SLC25A31: variants seen among roughly 807,000 people sequenced by gnomAD.
The protein encoded by SLC25A31 is solute carrier family 25 member 31.
In SLC25A31, 40 loss-of-function variants were observed where a neutral mutation model predicts 36.2. That is an observed-to-expected ratio of 1.10 (90% confidence interval 0.86 to 1.44). SLC25A31 has a LOEUF of 1.44. Among genes scored for constraint, SLC25A31 ranks in the 40% most tolerant of loss-of-function variants. The pLI, the probability that SLC25A31 is intolerant of heterozygous loss-of-function variation, is 0.00. For missense variants in SLC25A31, 350 were observed against 397.1 expected (o/e 0.88, Z 1.01); for synonymous variants, 143 against 149.7 (o/e 0.96, Z 0.32).
chr4:127,752,693 A>G (rs1578663569), intron 2 of SLC25A31, among the ~76,000 whole-genome samples: 1 of 152,222 alleles, frequency 6.6e-6, no homozygotes, highest in Non-Finnish European at 1.5e-5. Context: ...ATAATGATAA[A>G]GGGGTCAGTT....
intron 2 of SLC25A31, among the ~76,000 whole-genome samples, chr4:127,758,567 T>G (rs974157992): frequency 6.6e-6 from 1 of 152,244 alleles, no homozygotes; most frequent in Non-Finnish European, 1.5e-5. Context: ...GAATTTTTCC[T>G]AGGTTTTTGT....
At chr4:127,767,744 C>A (rs1578672935) in intron 4 of SLC25A31, among the ~76,000 whole-genome samples, 1 of 144,980 alleles carries the variant, frequency 6.9e-6, no homozygotes, top group South Asian at 2.1e-4. Context: ...AAGAACACTT[C>A]CATGTGGTAG....
chr4:127,732,161 T>C (rs1327053613), intron 1 of SLC25A31, among the ~76,000 whole-genome samples: 1 of 152,164 alleles, frequency 6.6e-6, no homozygotes, highest in Non-Finnish European at 1.5e-5. Context: ...GAAATAGACA[T>C]TTATTGTGTA....
intron 3 of SLC25A31, among the ~76,000 whole-genome samples, chr4:127,765,010 T>C (rs1225165902): frequency 6.6e-6 from 1 of 152,218 alleles, no homozygotes; most frequent in Non-Finnish European, 1.5e-5. Context: ...TTAGTATATG[T>C]TTTTTCTTTT....
At position 127,767,054 on chromosome 4, in the gene SLC25A31, G is replaced by T; in HGVS notation, c.479-12G>T. On this transcript the variant is annotated splice_polypyrimidine_tract_variant and intron_variant, in intron 3 of 5. Coordinates refer to ENST00000281154, the MANE Select transcript of SLC25A31 (RefSeq NM_031291.4). Reference sequence around the variant, plus strand: ...TAATGTTGCTAATAGATTTTAAATGGCTTTATTTTAGGTCCTGAGGAGCGA... The same window carrying T: ...TAATGTTGCTAATAGATTTTAAATGTCTTTATTTTAGGTCCTGAGGAGCGA... 6.2e-7 allele frequency: 1 copy of T among 1,601,474 alleles called. No individual in the cohort carries two copies. The highest frequency in any genetic ancestry group is 8.5e-7 in the Non-Finnish European group (1 of 1,174,898).
At chr4:127,737,768 A>C (rs1202513400) in intron 1 of SLC25A31, among the ~76,000 whole-genome samples, 1 of 152,052 alleles carries the variant, frequency 6.6e-6, no homozygotes, top group East Asian at 1.9e-4. Context: ...TGTGTTACCC[A>C]GGCTGGTCTC....
chr4:127,751,284 C>T (rs1233792974), intron 2 of SLC25A31, among the ~76,000 whole-genome samples: 1 of 152,182 alleles, frequency 6.6e-6, no homozygotes, highest in African/African-American at 2.4e-5. Context: ...CTACAACCAT[C>T]TGATCTTTAA....
intron 5 of SLC25A31, among the ~76,000 whole-genome samples, chr4:127,772,774 C>CT (rs1242183961): frequency 5.0e-4 from 69 of 138,322 alleles, no homozygotes; most frequent in South Asian, 1.2e-3. Flanking sequence ...CATATGATTT[C>CT]TTTTTTTTTT....
chr4:127,769,562 AT>A (rs1335894266), intron 5 of SLC25A31, among the ~76,000 whole-genome samples: 1 of 152,214 alleles, frequency 6.6e-6, no homozygotes, highest in Non-Finnish European at 1.5e-5. Flanking sequence ...CAGATAAGGG[AT>A]ACCAACCTGT....
At chr4:127,734,604 ACAAG>A (rs926995218) in intron 1 of SLC25A31, among the ~76,000 whole-genome samples, 5 of 149,804 alleles carry the variant, frequency 3.3e-5, no homozygotes, top group African/African-American at 1.2e-4. Flanking sequence ...TCTCATTTTT[ACAAG>A]CCTATCCAAA....
At chr4:127,745,791 T>G (rs1731813937) in intron 2 of SLC25A31, among the ~76,000 whole-genome samples, 1 of 152,184 alleles carries the variant, frequency 6.6e-6, no homozygotes, top group South Asian at 2.1e-4. Flanking sequence ...GGATCTTATT[T>G]AGCTACATGA....
rs531196582 is a variant in SLC25A31, at chr4:127,739,956, C to T, written c.233-4716C>T. 4.6e-5 allele frequency among the ~76,000 whole-genome samples: 7 copies of T among 152,038 alleles called. No individual in the cohort carries two copies. The South Asian group carries it at 1.2e-3, about 27-fold the overall frequency. ...TGATTTCTTTTGAAGATGTTTATCT[C>T]TTCTTTCATTTCCCAGATTACTCTA... On this transcript the variant is annotated intron_variant, in intron 1 of 5. Coordinates refer to ENST00000281154, the MANE Select transcript of SLC25A31 (RefSeq NM_031291.4).
chr4:127,767,204 C>T lies in SLC25A31; in HGVS notation c.617C>T (p.Ala206Val). 2 of 1,599,290 alleles carry T rather than the reference C, an allele frequency of 1.3e-6. No individual in the cohort carries two copies. Among genetic ancestry groups the T allele is most frequent in the Non-Finnish European group, 8.5e-7 (1 of 1,172,920 alleles). ...IIVYRASYFG[A>V]YDTVKGLLPK... ...GTGTACCGAGCCTCTTATTTTGGAG[C>T]TTATGACACAGTTAAGGTAATCTGG... Residue 206 changes from alanine to valine, a missense_variant, in exon 4 of 6, where the codon GCT becomes GTT. Transcript: ENST00000281154.
At chr4:127,760,270 T>C (rs1732102509) in intron 2 of SLC25A31, among the ~76,000 whole-genome samples, 1 of 152,180 alleles carries the variant, frequency 6.6e-6, no homozygotes, top group South Asian at 2.1e-4. Context: ...AAATAAAAAG[T>C]TTTTTAAAAA....
chr4:127,750,248 G>A (rs910024416), intron 2 of SLC25A31, among the ~76,000 whole-genome samples: 1 of 152,176 alleles, frequency 6.6e-6, no homozygotes, highest in Non-Finnish European at 1.5e-5. Context: ...AACTTAAGTG[G>A]TAAAGGTATA....
intron 1 of SLC25A31, among the ~76,000 whole-genome samples, chr4:127,738,697 G>A (rs1445274260): frequency 6.6e-6 from 1 of 152,134 alleles, no homozygotes; most frequent in East Asian, 1.9e-4. Flanking sequence ...AAAGCTGTTG[G>A]TGGGGTGTTG....
At chr4:127,767,657 T>G (rs1732270575) in intron 4 of SLC25A31, among the ~76,000 whole-genome samples, 2 of 149,324 alleles carry the variant, frequency 1.3e-5, no homozygotes, top group Admixed American at 1.3e-4. Flanking sequence ...TGTAGCTTGG[T>G]TATCTACCGG....
At chr4:127,765,786 C>G (rs1732229623) in intron 3 of SLC25A31, among the ~76,000 whole-genome samples, 1 of 152,084 alleles carries the variant, frequency 6.6e-6, no homozygotes, top group Admixed American at 6.6e-5. Flanking sequence ...GAAAATGTCT[C>G]AGAAGGGGTG....
Position 127,768,812 on chromosome 4 carries a change from G to A in SLC25A31, c.694G>A (p.Val232Met), listed in dbSNP as rs750922505. The A allele has an allele frequency of 1.9e-6, 3 of 1,608,594 alleles. No individual in the cohort carries two copies. Among genetic ancestry groups the A allele is most frequent in the East Asian group, 4.5e-5 (2 of 44,546 alleles). Residue 232 changes from valine (V) to methionine (M), a missense_variant, in exon 5 of 6, where the codon GTG becomes ATG. Coordinates refer to ENST00000281154, the MANE Select transcript of SLC25A31 (RefSeq NM_031291.4). ...TGTCTCCTTTTTCATTGCTCAAGTT[G>A]TGACTACATGCTCTGGAATACTTTC... The part of the protein sequence containing the change: ...FLVSFFIAQV[V>M]TTCSGILSYP...
Sources: gnomAD v4.1 joint callset for allele counts (sites outside exome capture counted in the v4.1 genomes callset) on GRCh38, gnomAD v4.1.1 for gene constraint, MANE v1.5 for transcripts, NCBI Gene and HGNC (gene_info 2026-07-23, HGNC 2026-07-21) for gene names.